The following WTAP variants were observed in gnomAD, a reference collection of about 807,000 sequenced individuals.
WTAP encodes pre-mRNA-splicing regulator WTAP.
Under a neutral mutation model 50.0 loss-of-function variants are expected in WTAP, and 8 were observed. That is an observed-to-expected ratio of 0.16 (90% confidence interval 0.09 to 0.29). The LOEUF (loss-of-function observed/expected upper bound fraction) is 0.29. Ranked by LOEUF, WTAP falls within the 10% of genes least tolerant of loss-of-function variation. The probability of loss-of-function intolerance (pLI) is 1.00; values close to 1 mark genes in which losing one functional copy is unlikely to be tolerated. For synonymous variants in WTAP, 194 were observed against 169.0 expected (o/e 1.15, Z -1.15); for missense variants, 295 against 470.7 (o/e 0.63, Z 3.45).
intron 6 of WTAP, 182 bp from the exon 7 acceptor site, chr6:159,753,278 T>C: frequency 1.2e-6 from 1 of 854,994 alleles, no homozygotes; most frequent in Non-Finnish European, 1.8e-6. Context: ...TTTACTGCTG[T>C]GTTGGCAAAA....
chr6:159,736,546 C>T (rs974483227), intron 2 of WTAP: 2 of 347,608 alleles, frequency 5.8e-6, no homozygotes, highest in East Asian at 8.9e-5. Context: ...ATGGTCTACT[C>T]TTAATGTTCA....
intron 1 of WTAP, among the ~76,000 whole-genome samples, chr6:159,735,557 T>C (rs1778857341): frequency 6.6e-6 from 1 of 152,146 alleles, no homozygotes; most frequent in Admixed American, 6.5e-5. Context: ...GAGACCAGCC[T>C]GACCAACACG....
chr6:159,736,218 A>G, intron 1 of WTAP, 40 bp from the exon 2 acceptor site: 1 of 1,574,412 alleles, frequency 6.4e-7, no homozygotes, highest in Non-Finnish European at 8.6e-7. Flanking sequence ...TCACTGGAAG[A>G]AAATAAATTG....
intron 7 of WTAP, among the ~76,000 whole-genome samples, chr6:159,754,620 C>T (rs1034533684): frequency 2.6e-5 from 4 of 152,166 alleles, no homozygotes; most frequent in Non-Finnish European, 5.9e-5. Flanking sequence ...CTATGTACAT[C>T]TTCCCCTTTG....
intron 1 of WTAP, among the ~76,000 whole-genome samples, chr6:159,733,334 A>G (rs1258227328): frequency 6.6e-6 from 1 of 152,140 alleles, no homozygotes. Flanking sequence ...TAAAGAGGGA[A>G]GGCAGGGTGC....
rs758466866 is a variant in WTAP at position 159,755,466 on chromosome 6, T to C, written c.1046T>C (p.Leu349Pro). The change falls in exon 8 of 8, where the codon CTC (leucine) becomes CCC (proline). Residue 349 changes from leucine to proline, a missense_variant. Physicochemically the swap from Leu to Pro is moderately conservative, Grantham distance 98. Around this residue, in one of 2 missense-constraint regions of WTAP, gnomAD observed 175 missense variants for 183.1 expected, o/e 0.96. Transcript: ENST00000621533. The stretch of plus-strand genomic sequence containing the variant: ...TCTCCCACGGGCAGTGAAAACTCTC[T>C]CACACACCAATCAAATGACACAGAC... ...VDSPTGSENS[L>P]THQSNDTDSS... is the part of the protein sequence containing the mutation. 1.9e-6 allele frequency: 3 copies of C among 1,613,982 alleles called. No individual in the cohort carries two copies. Among genetic ancestry groups the C allele is most frequent in the Middle Eastern group, 1.7e-4 (1 of 6,060 alleles).
At chr6:159,726,913 T>A, upstream of WTAP, 1 of 1,288,858 alleles carries the variant, frequency 7.8e-7, no homozygotes, top group Non-Finnish European at 1.0e-6. Flanking sequence ...TCTCTTGAGG[T>A]GGCACCTGGT....
rs1163373070 is a variant in WTAP, at chr6:159,739,048, A to G, written c.86+3A>G. ...GCAAGAGATGAGTTAATTCTAAGGT[A>G]AAATGTTCTCTGTTCAAAAACAAAG... On this transcript the variant is annotated splice_donor_region_variant and intron_variant, in intron 3 of 7. Coordinates refer to ENST00000621533, the MANE Select transcript of WTAP (RefSeq NM_001270531.2). The G allele has an allele frequency of 6.2e-7, 1 of 1,609,676 alleles. No homozygotes were observed. Among genetic ancestry groups the G allele is most frequent in the Non-Finnish European group, 8.5e-7 (1 of 1,177,282 alleles).
Position 159,733,893 on chromosome 6 carries a change from G to C in WTAP, c.-8-2365G>C, listed in dbSNP as rs1409471815. On this transcript the variant is annotated intron_variant, in intron 1 of 7. Coordinates refer to ENST00000621533, the MANE Select transcript of WTAP (RefSeq NM_001270531.2). Reference sequence around the variant, plus strand: ...ATCGCGCCGTTGCACTCCACCCCGGGCAACAAGAGCGAAACTCCATCTCCA... The same window carrying C: ...ATCGCGCCGTTGCACTCCACCCCGGCCAACAAGAGCGAAACTCCATCTCCA... Among the ~76,000 whole-genome samples, 3 of 152,230 alleles carry C rather than the reference G, an allele frequency of 2.0e-5. No homozygotes were observed. In the East Asian group the frequency reaches 5.8e-4, roughly 29 times the overall value.
chr6:159,726,858 G>GCTTT (rs1422502206), upstream of WTAP: 1 of 1,289,122 alleles, frequency 7.8e-7, no homozygotes, highest in African/African-American at 1.5e-5. Flanking sequence ...TTACAGGTGA[G>GCTTT]CTTCTGCTAA....
chr6:159,745,433 C>T (rs1253412739), intron 5 of WTAP, among the ~76,000 whole-genome samples: 1 of 151,502 alleles, frequency 6.6e-6, no homozygotes, highest in East Asian at 1.9e-4. Context: ...CTAACCTTTT[C>T]CAGCTTTTTT....
intron 7 of WTAP, among the ~76,000 whole-genome samples, chr6:159,754,531 C>T (rs1043769248): frequency 1.3e-5 from 2 of 152,150 alleles, no homozygotes; most frequent in South Asian, 2.1e-4. Flanking sequence ...CAGTTGCCCT[C>T]GGTATCCATG....
Position 159,753,569 on chromosome 6 carries a change from G to T in WTAP, c.562G>T (p.Ala188Ser). 1 of 1,614,168 alleles carries T rather than the reference G, an allele frequency of 6.2e-7. No individual in the cohort carries two copies. Among genetic ancestry groups the T allele is most frequent in the Non-Finnish European group, 8.5e-7 (1 of 1,180,012 alleles). Residue 188 changes from alanine to serine, a missense_variant, in exon 7 of 8, where the codon GCT (alanine) becomes TCT (serine). Around this residue, in one of 2 missense-constraint regions of WTAP, gnomAD observed 120 missense variants for 287.6 expected, o/e 0.42. Coordinates refer to ENST00000621533, the MANE Select transcript of WTAP (RefSeq NM_001270531.2). Reference protein sequence around the residue: ...GRIAQLEAELALQKKYSEELK... With the variant: ...GRIAQLEAELSLQKKYSEELK... The stretch of plus-strand genomic sequence containing the variant: ...TATTGCACAACTTGAAGCAGAGTTG[G>T]CTTTACAGAAGAAATACAGTGAGGA...
At chr6:159,745,883 T>C (rs758857475) in intron 5 of WTAP, among the ~76,000 whole-genome samples, 6 of 152,170 alleles carry the variant, frequency 3.9e-5, no homozygotes, top group Non-Finnish European at 5.9e-5. Context: ...GCACAATCAA[T>C]AGGACTTGTT....
At chr6:159,727,350 G>T (rs1057126473), upstream of WTAP, 1 of 1,258,388 alleles carries the variant, frequency 7.9e-7, no homozygotes, top group Non-Finnish European at 1.0e-6. Flanking sequence ...GGGCCAGAAG[G>T]CGAACATGGC....
intron 6 of WTAP, among the ~76,000 whole-genome samples, chr6:159,753,094 C>T (rs532985601): frequency 1.3e-5 from 2 of 152,198 alleles, no homozygotes; most frequent in Admixed American, 6.5e-5. Context: ...TCTGATAAAG[C>T]GCTAGATTCC....
At chr6:159,727,000 C>A, upstream of WTAP, 2 of 1,267,448 alleles carry the variant, frequency 1.6e-6, no homozygotes, top group Middle Eastern at 3.1e-4. Context: ...TCGCCCAGAT[C>A]CCTCCGCACG....
At chr6:159,736,332 T>G in intron 2 of WTAP, 37 bp downstream of exon 2, 2 of 1,515,682 alleles carry the variant, frequency 1.3e-6, no homozygotes, top group Non-Finnish European at 1.8e-6. Flanking sequence ...TGTTTTGTTT[T>G]GGGTTTTTTG....
At chr6:159,740,553 A>T (rs762648510) in intron 3 of WTAP, among the ~76,000 whole-genome samples, 1 of 152,158 alleles carries the variant, frequency 6.6e-6, no homozygotes, top group Non-Finnish European at 1.5e-5. Flanking sequence ...TCCACTGAAG[A>T]TCTTTCTCTA....
Sources: gnomAD v4.1 joint callset for allele counts (sites outside exome capture counted in the v4.1 genomes callset) on GRCh38, gnomAD v4.1.1 for gene constraint, gnomAD v4.1.1 regional missense constraint, MANE v1.5 for transcripts, NCBI Gene and HGNC (gene_info 2026-07-23, HGNC 2026-07-21) for gene names.